The following CRISP3 variants were observed in gnomAD, a reference collection of about 807,000 sequenced individuals.
CRISP3 encodes cysteine rich secretory protein 3.
In CRISP3, 33 loss-of-function variants were observed where a neutral mutation model predicts 36.1. The observed-to-expected ratio is 0.91, with a 90% CI of 0.69 to 1.22. CRISP3 has a LOEUF of 1.22. Among genes scored for constraint, CRISP3 ranks in the 50% most tolerant of loss-of-function variants. The pLI is 0.00. For missense variants in CRISP3, 330 were observed against 301.2 expected (o/e 1.10, Z -0.71); for synonymous variants, 117 against 104.6 (o/e 1.12, Z -0.72).
At chr6:49,733,660 A>T in intron 5 of CRISP3, 43 bp downstream of exon 5, 1 of 1,530,536 alleles carries the variant, frequency 6.5e-7, no homozygotes, top group Non-Finnish European at 8.8e-7. Context: ...CTTTTTTTTT[A>T]GGGCACTTAT....
chr6:49,730,469 G>A (rs1466340517), intron 7 of CRISP3, among the ~76,000 whole-genome samples: 1 of 152,048 alleles, frequency 6.6e-6, no homozygotes, highest in East Asian at 1.9e-4. Flanking sequence ...AGTATTTGGA[G>A]TCCCTGTCTG....
chr6:49,740,864 G>A lies in CRISP3; in HGVS notation c.38-3466C>T, dbSNP rs1769181608. ...TGCCTGTAATCCCAGGACTTTGGGA[G>A]GCCGAGGTGAGCAGATCACGAGGTC... On this transcript the variant is annotated intron_variant, in intron 1 of 7. Transcript: ENST00000263045. 3.3e-5 allele frequency among the ~76,000 whole-genome samples: 5 copies of A among 152,126 alleles called. No individual in the cohort carries two copies. In the South Asian group the frequency reaches 1.0e-3, roughly 32 times the overall value.
intron 6 of CRISP3, among the ~76,000 whole-genome samples, chr6:49,731,560 A>G (rs917701790): frequency 6.6e-6 from 1 of 152,208 alleles, no homozygotes; most frequent in Non-Finnish European, 1.5e-5. Flanking sequence ...GACTTCGTCA[A>G]ATTGCTAAGA....
chr6:49,734,236 C>T (rs186866237), intron 4 of CRISP3, among the ~76,000 whole-genome samples: 4 of 152,156 alleles, frequency 2.6e-5, no homozygotes, highest in Non-Finnish European at 5.9e-5. Flanking sequence ...AGTAATTCCT[C>T]TCCTGCTCTA....
At chr6:49,739,455 T>C (rs1251468422) in intron 1 of CRISP3, among the ~76,000 whole-genome samples, 2 of 152,184 alleles carry the variant, frequency 1.3e-5, no homozygotes, top group Non-Finnish European at 2.9e-5. Flanking sequence ...AATTTTCTCA[T>C]GTGTGCAAAA....
intron 1 of CRISP3, among the ~76,000 whole-genome samples, 185 bp downstream of exon 1, chr6:49,744,146 G>A (rs503549): frequency 0.75 from 113,299 of 152,022 alleles, 42,463 homozygotes; most frequent in Middle Eastern, 0.83. Flanking sequence ...AGCTGTCTAT[G>A]TATTAGCTTC....
chr6:49,733,717 C>T lies in CRISP3; in HGVS notation c.448G>A (p.Gly150Arg), dbSNP rs977078330. The T allele has an allele frequency of 6.2e-7, 1 of 1,612,542 alleles. No individual in the cohort carries two copies. The highest frequency in any genetic ancestry group is 1.1e-5 in the South Asian group (1 of 90,930). Residue 150 changes from glycine to arginine, a missense_variant, in exon 5 of 8, where the codon GGA becomes AGA. Gly to Arg is a moderately radical substitution (Grantham distance 125). Transcript: ENST00000263045. The stretch of plus-strand genomic sequence containing the variant: ...CTTCTCCTTACCTGTGTATAATGTC[C>T]AACCACTGCGTTGGGAGTCTTTGGC... Reference protein sequence around the residue: ...VGPKTPNAVVGHYTQVVWYSS... With the variant: ...VGPKTPNAVVRHYTQVVWYSS...
At chr6:49,733,664 C>A in intron 5 of CRISP3, 39 bp downstream of exon 5, 1 of 1,538,214 alleles carries the variant, frequency 6.5e-7, no homozygotes, top group South Asian at 1.2e-5. Flanking sequence ...TTTTTTAGGG[C>A]ACTTATAAAG....
chr6:49,729,709 G>T (rs1365793517), intron 7 of CRISP3, among the ~76,000 whole-genome samples: 1 of 151,928 alleles, frequency 6.6e-6, no homozygotes, highest in Non-Finnish European at 1.5e-5. Context: ...AACAATACCA[G>T]GTAACAACCG....
At position 49,728,695 on chromosome 6, in the gene CRISP3, T is replaced by A; in HGVS notation, c.*35A>T. The A allele has an allele frequency of 6.4e-7, 1 of 1,557,446 alleles. No homozygotes were observed. On this transcript the variant is annotated 3_prime_UTR_variant, in exon 8 of 8. Transcript: ENST00000263045. ...AAATCTAAGTAGATAATCTGACTCC[T>A]CTCTACATAGCCCTACTCGGTGTGT...
intron 4 of CRISP3, among the ~76,000 whole-genome samples, chr6:49,734,602 G>A (rs1381157828): frequency 6.6e-6 from 1 of 151,990 alleles, no homozygotes; most frequent in South Asian, 2.1e-4. Context: ...CCTTTGAGAG[G>A]GAAAGAAAGA....
intron 1 of CRISP3, among the ~76,000 whole-genome samples, chr6:49,738,278 A>G (rs954451459): frequency 6.6e-6 from 1 of 152,230 alleles, no homozygotes; most frequent in African/African-American, 2.4e-5. Context: ...GGGTTAAAAC[A>G]TTGTAAATTA....
At position 49,737,368 on chromosome 6, in the gene CRISP3, A is replaced by G. The variant is rs1208877579; in HGVS notation, c.68T>C (p.Leu23Pro). 6.2e-7 allele frequency: 1 copy of G among 1,614,052 alleles called. No individual in the cohort carries two copies. Among genetic ancestry groups the G allele is most frequent in the East Asian group, 2.2e-5 (1 of 44,876 alleles). ...AMTLFPVLLF[L>P]VAGLLPSFPA... Reference sequence around the variant, plus strand: ...AAAAGATGGAAGCAGCCCAGCAACCAGGAACAACAGCACTGGGAATAATGT... The same window carrying G: ...AAAAGATGGAAGCAGCCCAGCAACCGGGAACAACAGCACTGGGAATAATGT... The change falls in exon 2 of 8, where the codon CTG (leucine) becomes CCG (proline). Residue 23 changes from leucine to proline, a missense_variant. Transcript: ENST00000263045.
chr6:49,744,323 T>C lies in CRISP3; in HGVS notation c.37+8A>G, dbSNP rs1380592317. The C allele has an allele frequency of 6.6e-7, 1 of 1,520,740 alleles. No homozygotes were observed. Among genetic ancestry groups the C allele is most frequent in the Admixed American group, 2.0e-5 (1 of 50,602 alleles). The allele number at this position is 1,520,740 out of a possible 1,614,324, so 94.2% of individuals were successfully genotyped here. ...TGTTCACCTTGAAATAAAGGAGTTATCACTTACCAGTGGTTTCCAGAGCAG... is the reference window on the plus strand; with the variant it reads ...TGTTCACCTTGAAATAAAGGAGTTACCACTTACCAGTGGTTTCCAGAGCAG... On this transcript the variant is annotated splice_region_variant and intron_variant, in intron 1 of 7. Transcript: ENST00000263045.
At chr6:49,736,279 A>AATACAGAG in intron 3 of CRISP3, 112 bp downstream of exon 3, 1 of 726,260 alleles carries the variant, frequency 1.4e-6, no homozygotes. Flanking sequence ...GAAACAAAAA[A>AATACAGAG]ATACAGAGAG....
chr6:49,730,528 T>C (rs555518593), intron 7 of CRISP3, among the ~76,000 whole-genome samples: 10 of 152,326 alleles, frequency 6.6e-5, no homozygotes, highest in African/African-American at 2.2e-4. Context: ...ATATTTGTTT[T>C]CCTTTTTTAA....
At chr6:49,743,503 C>T (rs1769258726) in intron 1 of CRISP3, among the ~76,000 whole-genome samples, 1 of 152,144 alleles carries the variant, frequency 6.6e-6, no homozygotes, top group Admixed American at 6.6e-5. Flanking sequence ...CAAATACTCC[C>T]AGAGTTTCCT....
At chr6:49,735,425 T>G in intron 4 of CRISP3, 79 bp downstream of exon 4, 1 of 1,124,986 alleles carries the variant, frequency 8.9e-7, no homozygotes, top group Non-Finnish European at 1.3e-6. Context: ...ATTTACAAAC[T>G]TTTCTTAATG....
intron 7 of CRISP3, among the ~76,000 whole-genome samples, chr6:49,730,715 A>T (rs1379667769): frequency 6.6e-6 from 1 of 152,200 alleles, no homozygotes; most frequent in Non-Finnish European, 1.5e-5. Context: ...AATGATACAT[A>T]GATACTGAAC....
Sources: allele counts gnomAD v4.1 joint callset (sites outside exome capture counted in the v4.1 genomes callset), GRCh38; gene constraint gnomAD v4.1.1; transcripts MANE v1.5; gene names NCBI Gene and HGNC (gene_info 2026-07-23, HGNC 2026-07-21).